The following COX7B2 variants were observed in gnomAD, a reference collection of about 807,000 sequenced individuals.
The protein encoded by COX7B2 is cytochrome c oxidase subunit 7B2, mitochondrial.
For synonymous variants in COX7B2, 37 were observed against 32.1 expected, an observed-to-expected ratio of 1.15 and a Z score of -0.51; for missense variants, 109 against 95.9, an observed-to-expected ratio of 1.14 and a Z score of -0.57.
chr4:46,736,261 A>G (rs1267067370), intron 2 of COX7B2, among the ~76,000 whole-genome samples: 1 of 152,172 alleles, frequency 6.6e-6, no homozygotes, highest in Non-Finnish European at 1.5e-5. Context: ...TTGCCAAGGA[A>G]GAAGGGTTTA....
intron 2 of COX7B2, among the ~76,000 whole-genome samples, chr4:46,829,046 A>T (rs1008859536): frequency 4.6e-5 from 7 of 152,208 alleles, no homozygotes; most frequent in Admixed American, 2.6e-4. Flanking sequence ...AGACAACAGC[A>T]GTATTCTAAG....
At chr4:46,747,580 G>T (rs767793988) in intron 2 of COX7B2, among the ~76,000 whole-genome samples, 9 of 152,128 alleles carry the variant, frequency 5.9e-5, no homozygotes, top group Non-Finnish European at 1.2e-4. Context: ...GGGATTACAA[G>T]CATGAGCCAC....
chr4:46,746,375 G>A (rs1039298795), intron 2 of COX7B2, among the ~76,000 whole-genome samples: 1 of 152,154 alleles, frequency 6.6e-6, no homozygotes, highest in Admixed American at 6.6e-5. Flanking sequence ...TATAAAAGTG[G>A]CACAAAGATC....
At chr4:46,756,226 C>T (rs1352756859) in intron 2 of COX7B2, among the ~76,000 whole-genome samples, 1 of 151,948 alleles carries the variant, frequency 6.6e-6, no homozygotes, top group East Asian at 1.9e-4. Context: ...ACATCCTATT[C>T]AATAATGTTG....
chr4:46,806,870 A>C (rs1314251685), intron 2 of COX7B2, among the ~76,000 whole-genome samples: 1 of 152,020 alleles, frequency 6.6e-6, no homozygotes, highest in Non-Finnish European at 1.5e-5. Flanking sequence ...AGGGCTAAAT[A>C]ATATCCCATT....
intron 2 of COX7B2, among the ~76,000 whole-genome samples, chr4:46,829,746 G>A (rs906609037): frequency 1.3e-5 from 2 of 152,154 alleles, no homozygotes; most frequent in African/African-American, 4.8e-5. Context: ...AATGAGCAGG[G>A]TGTAAAAGAT....
chr4:46,778,535 C>T (rs572785981), intron 2 of COX7B2, among the ~76,000 whole-genome samples: 3 of 151,968 alleles, frequency 2.0e-5, no homozygotes, highest in African/African-American at 2.4e-5. Flanking sequence ...AAATAAACAC[C>T]GTATATCAAA....
At chr4:46,757,324 AG>A (rs1446962761) in intron 2 of COX7B2, among the ~76,000 whole-genome samples, 1 of 34,242 alleles carries the variant, frequency 2.9e-5, no homozygotes, top group Non-Finnish European at 6.0e-5. Context: ...GGAGGGTGGG[AG>A]GGGGGTTATG....
intron 2 of COX7B2, among the ~76,000 whole-genome samples, chr4:46,814,358 T>A (rs1192182498): frequency 1.3e-5 from 2 of 152,186 alleles, no homozygotes; most frequent in Non-Finnish European, 2.9e-5. Context: ...CCAGTGTGAA[T>A]CTTTAATCCC....
rs189086973 is a variant in COX7B2 at position 46,759,968 on chromosome 4, C to G, written c.-49-24727G>C. On this transcript the variant is annotated intron_variant, in intron 2 of 2. Coordinates refer to ENST00000355591, the MANE Select transcript of COX7B2 (RefSeq NM_130902.3). The stretch of plus-strand genomic sequence containing the variant: ...ATAAGTCTTATATAAGTTATATACG[C>G]CTTATCTTACACTTCCTCAGAAAGA... Among the ~76,000 whole-genome samples, 184 of 151,180 alleles carry G rather than the reference C, an allele frequency of 1.2e-3. 1 individual carries two copies. Among genetic ancestry groups the G allele is most frequent in the African/African-American group, 4.2e-3 (174 of 41,224 alleles).
chr4:46,788,118 G>A (rs1717847803), intron 2 of COX7B2, among the ~76,000 whole-genome samples: 2 of 152,088 alleles, frequency 1.3e-5, no homozygotes, highest in Admixed American at 1.3e-4. Flanking sequence ...AAAAGTAAAG[G>A]AAAACGTAGT....
chr4:46,757,530 T>G (rs991844128), intron 2 of COX7B2, among the ~76,000 whole-genome samples: 13 of 152,234 alleles, frequency 8.5e-5, no homozygotes, highest in African/African-American at 2.9e-4. Flanking sequence ...ACTGCCCTTT[T>G]GCAAGCCAAA....
chr4:46,748,684 T>A (rs531255573), intron 2 of COX7B2, among the ~76,000 whole-genome samples: 1 of 152,318 alleles, frequency 6.6e-6, no homozygotes, highest in South Asian at 2.1e-4. Context: ...ACCAATTATT[T>A]CTTTCCTGGA....
At chr4:46,860,882 C>A (rs1717296635) in intron 1 of COX7B2, among the ~76,000 whole-genome samples, 1 of 152,088 alleles carries the variant, frequency 6.6e-6, no homozygotes, top group Non-Finnish European at 1.5e-5. Context: ...TTCTTTGGCC[C>A]CAACGTGGTC....
intron 2 of COX7B2, among the ~76,000 whole-genome samples, chr4:46,794,836 C>G (rs1010420372): frequency 2.6e-5 from 4 of 152,082 alleles, no homozygotes; most frequent in Non-Finnish European, 5.9e-5. Flanking sequence ...ATAGTAGGAG[C>G]CTACTAAATT....
intron 2 of COX7B2, among the ~76,000 whole-genome samples, chr4:46,814,638 A>C (rs1560398424): frequency 6.6e-6 from 1 of 152,212 alleles, no homozygotes; most frequent in Non-Finnish European, 1.5e-5. Context: ...CTAATGAACG[A>C]CAGTAAGTGA....
At chr4:46,877,334 A>T (rs7655866) in intron 1 of COX7B2, among the ~76,000 whole-genome samples, 79,110 of 152,016 alleles carry the variant, frequency 0.52, 20,768 homozygotes, top group East Asian at 0.67. Context: ...TTATTTACTA[A>T]GACATGTCTC....
intron 1 of COX7B2, among the ~76,000 whole-genome samples, chr4:46,871,656 G>A (rs939268379): frequency 1.3e-5 from 2 of 149,868 alleles, no homozygotes; most frequent in African/African-American, 4.9e-5. Flanking sequence ...AAAAAACATT[G>A]AAAAGTGGGC....
intron 2 of COX7B2, among the ~76,000 whole-genome samples, chr4:46,835,039 T>C (rs1425675553): frequency 1.3e-5 from 2 of 152,264 alleles, no homozygotes; most frequent in East Asian, 3.9e-4. Context: ...CTTTCAATCA[T>C]AATAAGAGAA....
Sources: gnomAD v4.1 joint callset for allele counts (sites outside exome capture counted in the v4.1 genomes callset) on GRCh38, gnomAD v4.1.1 for gene constraint, MANE v1.5 for transcripts, NCBI Gene and HGNC (gene_info 2026-07-23, HGNC 2026-07-21) for gene names.